TFEC: variants seen among roughly 807,000 people sequenced by gnomAD.
TFEC encodes the protein transcription factor EC, also known as class E basic helix-loop-helix protein 34.
Under a neutral mutation model 41.6 loss-of-function variants are expected in TFEC, and 31 were observed. That is an observed-to-expected ratio of 0.74 (90% CI 0.56 to 1.01). The LOEUF is 1.01. Among genes scored for constraint, TFEC ranks in the 50% least tolerant of loss-of-function variants. The pLI is 0.00. For synonymous variants in TFEC, 143 were observed against 140.6 expected (o/e 1.02, Z -0.12); for missense variants, 402 against 404.1 (o/e 0.99, Z 0.04).
chr7:116,105,554 C>T (rs961184252), intron 3 of TFEC, among the ~76,000 whole-genome samples: 2 of 152,194 alleles, frequency 1.3e-5, no homozygotes, highest in African/African-American at 4.8e-5. Flanking sequence ...AGCCTGGGCT[C>T]TGTGGGTGAG....
At chr7:116,079,563 A>G (rs1797040947) in intron 3 of TFEC, among the ~76,000 whole-genome samples, 2 of 152,068 alleles carry the variant, frequency 1.3e-5, no homozygotes, top group African/African-American at 4.8e-5. Flanking sequence ...CAAATCAATA[A>G]CTCAACCCCT....
chr7:116,122,908 G>A (rs147351313), intron 1 of TFEC, among the ~76,000 whole-genome samples: 9 of 152,046 alleles, frequency 5.9e-5, no homozygotes, highest in East Asian at 1.9e-4. Flanking sequence ...GCCCTTTCCC[G>A]CTTCATTCTC....
upstream of TFEC, among the ~76,000 whole-genome samples, chr7:116,033,379 A>G (rs1276473961): frequency 6.6e-6 from 1 of 152,132 alleles, no homozygotes; most frequent in Non-Finnish European, 1.5e-5. Context: ...TCAACTGTAA[A>G]ACAGAGAAAC....
chr7:115,971,841 CAG>C lies in TFEC; in HGVS notation c.267+2327_267+2328del, dbSNP rs201326618. ...AGAATAAAGCCAGCACAGAAGAAAA[CAG>C]AGACAAATTTACAAAGGGATGCCCA... On this transcript the variant is annotated intron_variant, in intron 3 of 7. Coordinates refer to ENST00000265440, the MANE Select transcript of TFEC (RefSeq NM_012252.4). Among the ~76,000 whole-genome samples, 885 of 152,092 alleles carry C rather than the reference CAG, an allele frequency of 5.8e-3. 11 individuals are homozygous for C. Among genetic ancestry groups the C allele is most frequent in the African/African-American group, 0.02 (838 of 41,526 alleles).
chr7:115,948,935 T>C (rs1394162569), intron 6 of TFEC, among the ~76,000 whole-genome samples: 1 of 151,728 alleles, frequency 6.6e-6, no homozygotes, highest in African/African-American at 2.4e-5. Context: ...GACATGATTG[T>C]ATATGTAGAA....
At chr7:116,129,560 C>G (rs1413676005) in intron 1 of TFEC, among the ~76,000 whole-genome samples, 3 of 144,890 alleles carry the variant, frequency 2.1e-5, no homozygotes. Context: ...GTTTTTCTTG[C>G]TACCTTTGTA....
intron 1 of TFEC, among the ~76,000 whole-genome samples, chr7:115,997,847 C>A (rs1368903080): frequency 6.6e-6 from 1 of 151,842 alleles, no homozygotes; most frequent in African/African-American, 2.4e-5. Context: ...CAGAATTCAT[C>A]AAGCAGAAGA....
At chr7:116,046,504 C>A (rs964296850) in intron 3 of TFEC, among the ~76,000 whole-genome samples, 2 of 152,128 alleles carry the variant, frequency 1.3e-5, no homozygotes, top group Non-Finnish European at 2.9e-5. Context: ...CCATGTGGAA[C>A]CGTAAGTCCA....
intron 6 of TFEC, among the ~76,000 whole-genome samples, chr7:115,946,054 TA>T (rs1309496801): frequency 6.6e-6 from 1 of 151,812 alleles, no homozygotes; most frequent in African/African-American, 2.4e-5. Flanking sequence ...ATAAAGTTTT[TA>T]TTAAAATTTG....
intron 3 of TFEC, chr7:115,968,416 A>G (rs1792973052): frequency 5.8e-6 from 5 of 860,570 alleles, no homozygotes; most frequent in Non-Finnish European, 8.1e-6. Flanking sequence ...GTTCCAACCA[A>G]GCACAGGGGG....
chr7:115,989,925 T>A (rs911303415), intron 1 of TFEC, among the ~76,000 whole-genome samples: 1 of 152,178 alleles, frequency 6.6e-6, no homozygotes, highest in Non-Finnish European at 1.5e-5. Context: ...ACAGACTGCC[T>A]CTTCAAGTGG....
At chr7:116,088,220 A>G (rs755187158) in intron 3 of TFEC, among the ~76,000 whole-genome samples, 72 of 152,178 alleles carry the variant, frequency 4.7e-4, no homozygotes, top group Admixed American at 1.3e-3. Context: ...AGTGGATTGG[A>G]CAACCACCCA....
At chr7:115,991,141 A>C (rs1794091566) in intron 1 of TFEC, among the ~76,000 whole-genome samples, 1 of 151,700 alleles carries the variant, frequency 6.6e-6, no homozygotes, top group African/African-American at 2.4e-5. Flanking sequence ...AGCTTCATAA[A>C]GGAGAAATAA....
chr7:115,986,479 TGCAAA>T (rs1562913431), intron 1 of TFEC, among the ~76,000 whole-genome samples: 2 of 151,860 alleles, frequency 1.3e-5, no homozygotes, highest in Non-Finnish European at 2.9e-5. Context: ...ATGTTCACAA[TGCAAA>T]GCAAAAGCTC....
At chr7:116,037,447 T>C (rs1020153135) in intron 3 of TFEC, among the ~76,000 whole-genome samples, 3 of 152,014 alleles carry the variant, frequency 2.0e-5, no homozygotes, top group Admixed American at 1.3e-4. Context: ...AACTGGATTT[T>C]TTATGCTACT....
intron 1 of TFEC, among the ~76,000 whole-genome samples, chr7:116,009,434 T>C (rs1794918933): frequency 6.6e-6 from 1 of 152,180 alleles, no homozygotes; most frequent in Non-Finnish European, 1.5e-5. Context: ...CTTGACACTG[T>C]GCTCACAGTT....
chr7:116,107,327 A>AT (rs2116041917), intron 3 of TFEC, among the ~76,000 whole-genome samples: 1 of 152,320 alleles, frequency 6.6e-6, no homozygotes, highest in African/African-American at 2.4e-5. Context: ...TTCTAAAAAA[A>AT]CTGAGCATAG....
At chr7:116,002,269 C>G (rs1407878575) in intron 1 of TFEC, among the ~76,000 whole-genome samples, 1 of 152,156 alleles carries the variant, frequency 6.6e-6, no homozygotes, top group Non-Finnish European at 1.5e-5. Flanking sequence ...GATTTGGAAG[C>G]AACCTAAGGA....
intron 1 of TFEC, among the ~76,000 whole-genome samples, chr7:116,028,289 C>A (rs1795659859): frequency 6.6e-6 from 1 of 152,132 alleles, no homozygotes; most frequent in Non-Finnish European, 1.5e-5. Flanking sequence ...TATTGTCCAC[C>A]AAATTTTTAT....
Sources: gnomAD v4.1 joint callset for allele counts (sites outside exome capture counted in the v4.1 genomes callset) on GRCh38, gnomAD v4.1.1 for gene constraint, MANE v1.5 for transcripts, NCBI Gene and HGNC (gene_info 2026-07-23, HGNC 2026-07-21) for gene names.